Variants in LYN observed in about 807,000 individuals in gnomAD.
The protein encoded by LYN is LYN proto-oncogene, Src family tyrosine kinase, also known as tyrosine-protein kinase Lyn.
Under a neutral mutation model 65.0 loss-of-function variants are expected in LYN, and 12 were observed. The ratio of observed to expected loss-of-function variants is 0.18; its 90% CI spans 0.12 to 0.30. The LOEUF (loss-of-function observed/expected upper bound fraction) is 0.30. LYN is among the 10% of genes least tolerant of loss of function. LYN has a pLI of 1.00. For missense variants in LYN, 380 were observed against 623.2 expected (o/e 0.61, Z 4.16); for synonymous variants, 222 against 221.2 (o/e 1.00, Z -0.03).
At chr8:55,978,774 T>G (rs1234052616) in intron 10 of LYN, among the ~76,000 whole-genome samples, 1 of 152,164 alleles carries the variant, frequency 6.6e-6, no homozygotes, top group Non-Finnish European at 1.5e-5. Flanking sequence ...CACGGGACTT[T>G]GCGACAGGGA....
chr8:55,907,724 G>T (rs1805469440), intron 1 of LYN, among the ~76,000 whole-genome samples: 1 of 152,084 alleles, frequency 6.6e-6, no homozygotes, highest in African/African-American at 2.4e-5. Flanking sequence ...AAATTAACAG[G>T]ACGTGGTGGT....
At chr8:55,895,041 T>G (rs190668636) in intron 1 of LYN, among the ~76,000 whole-genome samples, 25 of 152,238 alleles carry the variant, frequency 1.6e-4, no homozygotes, top group African/African-American at 5.5e-4. Context: ...CTTGAACTCC[T>G]GGTCTCAAGC....
At chr8:55,911,285 A>ATATTT (rs1356941100) in intron 1 of LYN, among the ~76,000 whole-genome samples, 7 of 27,774 alleles carry the variant, frequency 2.5e-4, no homozygotes, top group African/African-American at 1.2e-3. Context: ...ATATATATAT[A>ATATTT]TTTTTTTTTT....
chr8:55,923,586 G>A (rs929361019), intron 1 of LYN, among the ~76,000 whole-genome samples: 1 of 152,016 alleles, frequency 6.6e-6, no homozygotes, highest in Non-Finnish European at 1.5e-5. Flanking sequence ...GTCCCCACAG[G>A]CTGGAGTCAG....
At chr8:55,964,228 CT>C (rs1374324894) in intron 8 of LYN, among the ~76,000 whole-genome samples, 1 of 151,414 alleles carries the variant, frequency 6.6e-6, no homozygotes, top group African/African-American at 2.4e-5. Context: ...TTTTTCTTTT[CT>C]TTTTTTGTTT....
At position 56,012,921 on chromosome 8, in the gene LYN, A is replaced by G. The variant is rs972831962; in HGVS notation, c.*2811A>G. 1.3e-5 allele frequency: 2 copies of G among 152,170 alleles called. No homozygotes were observed. Among genetic ancestry groups the G allele is most frequent in the African/African-American group, 4.8e-5 (2 of 41,442 alleles). 9.4% of individuals were successfully genotyped at this position (152,170 alleles called of 1,614,324 possible). A position where few individuals can be genotyped will look rare whatever the true frequency, so the allele number is the denominator to read the frequency against. ...TTCCTGGTGAACATGAAGCTCACTG[A>G]ACCTAAAGGAGACTCACAGGCTAGA... On this transcript the variant is annotated 3_prime_UTR_variant, in exon 13 of 13. Coordinates refer to ENST00000519728, the MANE Select transcript of LYN (RefSeq NM_002350.4).
chr8:55,956,450 A>G (rs1193152118), intron 8 of LYN, among the ~76,000 whole-genome samples: 1 of 152,184 alleles, frequency 6.6e-6, no homozygotes, highest in Non-Finnish European at 1.5e-5. Context: ...ATTTGATTTT[A>G]TCTACAGTAA....
chr8:55,977,751 CAAAAAAAAAA>C (rs35305537), intron 10 of LYN, among the ~76,000 whole-genome samples: 8 of 117,614 alleles, frequency 6.8e-5, no homozygotes, highest in African/African-American at 2.6e-4. Context: ...CTATCTCTAC[CAAAAAAAAAA>C]AAAAAAAAAT....
At chr8:55,885,935 C>T (rs1301829618) in intron 1 of LYN, among the ~76,000 whole-genome samples, 2 of 128,610 alleles carry the variant, frequency 1.6e-5, no homozygotes, top group African/African-American at 2.9e-5. Context: ...TCTGCATTTT[C>T]GGTTTGCCCT....
intron 2 of LYN, among the ~76,000 whole-genome samples, chr8:55,944,385 A>C (rs1806714770): frequency 2.0e-5 from 3 of 152,208 alleles, no homozygotes; most frequent in African/African-American, 7.2e-5. Context: ...TCTTATAGAC[A>C]TCAGAGTTCT....
chr8:55,987,002 C>T (rs906418771), intron 10 of LYN, among the ~76,000 whole-genome samples: 2 of 152,286 alleles, frequency 1.3e-5, no homozygotes, highest in African/African-American at 2.4e-5. Context: ...AGGTGGGAGC[C>T]GCCACATTCG....
At chr8:55,940,369 T>C (rs1806572507) in intron 1 of LYN, 1 of 152,166 alleles carries the variant, frequency 6.6e-6, no homozygotes, top group Non-Finnish European at 1.5e-5. Context: ...ATTTTATTTT[T>C]TTATTATTTA....
chr8:56,009,864 T>A, intron 12 of LYN, 44 bp from the exon 13 acceptor site: 1 of 1,557,788 alleles, frequency 6.4e-7, no homozygotes, highest in Non-Finnish European at 8.8e-7. Context: ...GCCAGGTTTC[T>A]AAACGGCATG....
chr8:55,969,016 CA>C (rs1186182755), intron 9 of LYN, among the ~76,000 whole-genome samples: 4 of 152,200 alleles, frequency 2.6e-5, no homozygotes, highest in Non-Finnish European at 4.4e-5. Flanking sequence ...CGTGGTGGCT[CA>C]CACCTATAAT....
intron 10 of LYN, among the ~76,000 whole-genome samples, chr8:55,998,072 A>G (rs1437927557): frequency 6.6e-6 from 1 of 151,754 alleles, no homozygotes; most frequent in Non-Finnish European, 1.5e-5. Flanking sequence ...TGAAAGAGCG[A>G]GACTCCGTCT....
chr8:55,954,699 A>G (rs952792158), intron 8 of LYN, among the ~76,000 whole-genome samples: 4 of 152,024 alleles, frequency 2.6e-5, no homozygotes, highest in South Asian at 2.1e-4. Flanking sequence ...GCCAGGTGCC[A>G]TGGTATGTGC....
chr8:55,899,211 CTGTT>C (rs936915877), intron 1 of LYN, among the ~76,000 whole-genome samples: 106 of 152,254 alleles, frequency 7.0e-4, no homozygotes, highest in African/African-American at 2.3e-3. Flanking sequence ...TATTTGTCCT[CTGTT>C]AGGTAGTCAA....
chr8:56,008,265 G>T (rs1229130663), intron 12 of LYN, among the ~76,000 whole-genome samples: 2 of 152,174 alleles, frequency 1.3e-5, no homozygotes. Flanking sequence ...TTCAAAAGAA[G>T]GTTCTGTTTC....
At chr8:55,938,570 C>T (rs1431687504) in intron 1 of LYN, among the ~76,000 whole-genome samples, 2 of 152,216 alleles carry the variant, frequency 1.3e-5, no homozygotes, top group Admixed American at 6.5e-5. Context: ...TTACAGCAGA[C>T]CTGTTCCCTA....
Sources: allele counts gnomAD v4.1 joint callset (sites outside exome capture counted in the v4.1 genomes callset), GRCh38; gene constraint gnomAD v4.1.1; transcripts MANE v1.5; gene names NCBI Gene and HGNC (gene_info 2026-07-23, HGNC 2026-07-21).